PTPRO: variants seen among roughly 807,000 people sequenced by gnomAD.
PTPRO encodes the protein protein tyrosine phosphatase receptor type O.
A neutral mutation model predicts 145.2 loss-of-function variants in PTPRO; 62 were observed. The ratio of observed to expected loss-of-function variants is 0.43; its 90% CI spans 0.35 to 0.53. The LOEUF is 0.53. Among genes scored for constraint, PTPRO ranks in the 20% least tolerant of loss-of-function variants. PTPRO has a pLI of 0.01. For synonymous variants in PTPRO, 565 were observed against 514.7 expected, an observed-to-expected ratio of 1.10 and a Z score of -1.32; for missense variants, 1,345 against 1,482.7, an observed-to-expected ratio of 0.91 and a Z score of 1.53.
At chr12:15,595,438 G>A (rs1050465284) in intron 26 of PTPRO, 6 of 248,916 alleles carry the variant, frequency 2.4e-5, no homozygotes, top group East Asian at 1.8e-4. Flanking sequence ...GGCTGTATAC[G>A]GGGTTACAAA....
At chr12:15,404,610 T>A (rs547145495) in intron 1 of PTPRO, among the ~76,000 whole-genome samples, 2 of 152,344 alleles carry the variant, frequency 1.3e-5, no homozygotes, top group East Asian at 3.9e-4. Flanking sequence ...GCATGAAGGC[T>A]GTTCAGTGTT....
Position 15,581,915 on chromosome 12 carries a change from A to C in PTPRO, c.3255+114A>C, listed in dbSNP as rs115495501. 785 of 1,381,270 alleles carry C rather than the reference A, an allele frequency of 5.7e-4. 2 individuals carry two copies. In the African/African-American group the frequency reaches 0.01, roughly 18 times the overall value. 85.6% of individuals were successfully genotyped at this position (1,381,270 alleles called of 1,614,324 possible). ...TAGAGGAATTACAGACACACACACA[A>C]AAATATCGAGTGTGGAGTGGGAAAT... On this transcript the variant is annotated intron_variant, in intron 23 of 26. Coordinates refer to ENST00000281171, the MANE Select transcript of PTPRO (RefSeq NM_030667.3).
chr12:15,327,673 T>G (rs1190124237), intron 1 of PTPRO, among the ~76,000 whole-genome samples: 1 of 145,720 alleles, frequency 6.9e-6, no homozygotes, highest in Non-Finnish European at 1.6e-5. Context: ...AATATGTAAG[T>G]TTTTTTTGTG....
intron 16 of PTPRO, among the ~76,000 whole-genome samples, chr12:15,559,361 G>A (rs1467255019): frequency 6.6e-6 from 1 of 152,166 alleles, no homozygotes; most frequent in Non-Finnish European, 1.5e-5. Context: ...AAGTGACAAG[G>A]TGACAGTATT....
At chr12:15,414,939 TA>T (rs1939905598) in intron 1 of PTPRO, among the ~76,000 whole-genome samples, 1 of 152,210 alleles carries the variant, frequency 6.6e-6, no homozygotes, top group Admixed American at 6.5e-5. Flanking sequence ...TGTTTAAACC[TA>T]TGACACCATG....
chr12:15,456,204 C>A (rs989898427), intron 1 of PTPRO, among the ~76,000 whole-genome samples: 7 of 152,046 alleles, frequency 4.6e-5, no homozygotes, highest in African/African-American at 1.7e-4. Flanking sequence ...TATCAAATTT[C>A]TTTTCTACAT....
At chr12:15,562,066 T>A (rs971274964) in intron 17 of PTPRO, among the ~76,000 whole-genome samples, 3 of 152,130 alleles carry the variant, frequency 2.0e-5, no homozygotes, top group African/African-American at 7.2e-5. Context: ...TAAATGGTTG[T>A]CTCCAGTTGA....
chr12:15,492,359 C>A (rs17835136), intron 2 of PTPRO, among the ~76,000 whole-genome samples: 3,720 of 152,008 alleles, frequency 0.024, 71 homozygotes, highest in Non-Finnish European at 0.036. Flanking sequence ...TTATAATGTT[C>A]AAGGACATAA....
rs901652551 is a variant in PTPRO, at chr12:15,558,041, C to T, written c.2627+518C>T. ...TCTCTGCCTCCTGGGCTCAAGTAAT[C>T]TTTCCACCTCAGCCTCCCGAGTAGC... On this transcript the variant is annotated intron_variant, in intron 16 of 26. Transcript: ENST00000281171. Among the ~76,000 whole-genome samples the T allele has an allele frequency of 7.9e-5, 12 of 152,094 alleles. No homozygotes were observed. In the East Asian group the frequency reaches 2.3e-3, roughly 29 times the overall value.
chr12:15,527,755 T>C (rs1170536206), intron 12 of PTPRO, among the ~76,000 whole-genome samples: 1 of 152,158 alleles, frequency 6.6e-6, no homozygotes, highest in Non-Finnish European at 1.5e-5. Flanking sequence ...TAGGCAAACA[T>C]AGCCAATAAA....
At chr12:15,437,574 G>A (rs1486066198) in intron 1 of PTPRO, among the ~76,000 whole-genome samples, 2 of 152,118 alleles carry the variant, frequency 1.3e-5, no homozygotes, top group African/African-American at 4.8e-5. Flanking sequence ...CCATGCTCAG[G>A]CAAATCTCCA....
At chr12:15,432,448 G>T (rs1940468946) in intron 1 of PTPRO, among the ~76,000 whole-genome samples, 1 of 152,188 alleles carries the variant, frequency 6.6e-6, no homozygotes, top group Admixed American at 6.5e-5. Context: ...ACTGTCAATA[G>T]TGCTGCAATG....
chr12:15,595,161 A>G (rs1944634319), intron 26 of PTPRO, 104 bp downstream of exon 26: 2 of 762,844 alleles, frequency 2.6e-6, no homozygotes, highest in Admixed American at 2.0e-5. Flanking sequence ...ATTGACTCTG[A>G]CTTCACATGA....
At chr12:15,591,300 G>A (rs1169313073) in intron 25 of PTPRO, among the ~76,000 whole-genome samples, 1 of 152,082 alleles carries the variant, frequency 6.6e-6, no homozygotes, top group Non-Finnish European at 1.5e-5. Context: ...GAACCCAGGA[G>A]ACGGAGGTTG....
intron 1 of PTPRO, among the ~76,000 whole-genome samples, chr12:15,383,541 A>C (rs1938928897): frequency 6.6e-6 from 1 of 152,212 alleles, no homozygotes. Flanking sequence ...TATGAGAACC[A>C]GGGCTTATGA....
intron 1 of PTPRO, among the ~76,000 whole-genome samples, chr12:15,359,067 C>T (rs375613111): frequency 6.6e-6 from 1 of 152,240 alleles, no homozygotes; most frequent in East Asian, 1.9e-4. Flanking sequence ...AAAATAAAAC[C>T]TCAGTTGGAA....
intron 2 of PTPRO, 49 bp downstream of exon 2, chr12:15,484,296 TTTCTTCC>T (rs1941841397): frequency 6.2e-7 from 1 of 1,605,976 alleles, no homozygotes; most frequent in Non-Finnish European, 8.5e-7. Context: ...TGTTCCCCTG[TTTCTTCC>T]CGTAGGGCTC....
intron 1 of PTPRO, among the ~76,000 whole-genome samples, chr12:15,414,940 A>G (rs893486994): frequency 6.6e-6 from 1 of 152,216 alleles, no homozygotes; most frequent in Admixed American, 6.5e-5. Flanking sequence ...GTTTAAACCT[A>G]TGACACCATG....
intron 1 of PTPRO, among the ~76,000 whole-genome samples, chr12:15,427,827 G>GT (rs950335648): frequency 1.3e-5 from 2 of 151,366 alleles, no homozygotes; most frequent in African/African-American, 4.9e-5. Context: ...TGACTTTTGA[G>GT]TTTTTTTCTG....
Sources: gnomAD v4.1 joint callset for allele counts (sites outside exome capture counted in the v4.1 genomes callset) on GRCh38, gnomAD v4.1.1 for gene constraint, MANE v1.5 for transcripts, NCBI Gene and HGNC (gene_info 2026-07-23, HGNC 2026-07-21) for gene names.